TAF1C: variants seen among roughly 807,000 people sequenced by gnomAD.
TAF1C encodes the protein TATA box-binding protein-associated factor RNA polymerase I subunit C.
A neutral mutation model predicts 70.5 loss-of-function variants in TAF1C; 79 were observed. That is an observed-to-expected ratio of 1.12 (90% CI 0.93 to 1.35). The LOEUF (loss-of-function observed/expected upper bound fraction) is 1.35. Among genes scored for constraint, TAF1C ranks in the 40% most tolerant of loss-of-function variants. The pLI, the probability that TAF1C is intolerant of heterozygous loss-of-function variation, is 0.00. For missense variants in TAF1C, 1,412 were observed against 1,127.8 expected (o/e 1.25, Z -3.61); for synonymous variants, 614 against 491.1 (o/e 1.25, Z -3.31).
chr16:84,179,671 G>T lies in TAF1C; in HGVS notation c.1802C>A (p.Ser601Tyr). ...TQPDCHAPTA[S>Y]WTSQDTAGCS... ...GCCGGCAGTGTCCTGGGAGGTCCAG[G>T]AAGCTGTGGGGGCATGGCAGTCAGG... Residue 601 changes from serine to tyrosine, a missense_variant, in exon 15 of 15, where the codon TCC (serine) becomes TAC (tyrosine). Ser to Tyr is a moderately radical substitution (Grantham distance 144, BLOSUM62 -2). Transcript: ENST00000566732. The T allele has an allele frequency of 6.2e-7, 1 of 1,612,712 alleles. No homozygotes were observed. The highest frequency in any genetic ancestry group is 8.5e-7 in the Non-Finnish European group (1 of 1,179,934).
Position 84,177,864 on chromosome 16 carries a change from T to C in TAF1C, c.*1077A>G. On this transcript the variant is annotated 3_prime_UTR_variant, in exon 15 of 15. Transcript: ENST00000566732. ...TAGTTTTCCCCAGTTATATGTAGCA[T>C]AAATGGTTTAATCATAAATGTCTCC... The C allele has an allele frequency of 6.3e-7, 1 of 1,581,166 alleles. No individual in the cohort carries two copies. Among genetic ancestry groups the C allele is most frequent in the South Asian group, 1.1e-5 (1 of 90,444 alleles).
chr16:84,181,190 G>T lies in TAF1C; in HGVS notation c.1165-4C>A. On this transcript the variant is annotated splice_region_variant and splice_polypyrimidine_tract_variant and intron_variant, in intron 11 of 14. Transcript: ENST00000566732. ...ACAGACCACAGCCCGGCGGGCCCTGGAAGATAAACACAGGGTCAGCCCTCC... is the reference window on the plus strand; with the variant it reads ...ACAGACCACAGCCCGGCGGGCCCTGTAAGATAAACACAGGGTCAGCCCTCC... The T allele has an allele frequency of 1.2e-6, 2 of 1,604,766 alleles. No individual in the cohort carries two copies. The highest frequency in any genetic ancestry group is 1.7e-6 in the Non-Finnish European group (2 of 1,172,732).
chr16:84,179,113 T>C lies in TAF1C; in HGVS notation c.2360A>G (p.Gln787Arg). 6.2e-7 allele frequency: 1 copy of C among 1,609,276 alleles called. No homozygotes were observed. Among genetic ancestry groups the C allele is most frequent in the Non-Finnish European group, 8.5e-7 (1 of 1,178,516 alleles). The change falls in exon 15 of 15, where the codon CAG (glutamine) becomes CGG (arginine). Residue 787 changes from glutamine (Q) to arginine (R), a missense_variant. Gln to Arg is a conservative substitution (Grantham distance 43). Transcript: ENST00000566732. The part of the protein sequence containing the change: ...CAQGVPSEQR[Q>R]MLRDYMAKLP... ...CTTGGCCATGTAGTCACGGAGCATC[T>C]GCCGCTGCTCTGATGGGACGCCCTG...
chr16:84,185,052 C>T lies in TAF1C; in HGVS notation c.-64G>A. Reference sequence around the variant, plus strand: ...AGAGACTGGAAGCTGGTAAGGGGCGCCAGAGTTCCTGAGGAGTGAAAAGTG... The same window carrying T: ...AGAGACTGGAAGCTGGTAAGGGGCGTCAGAGTTCCTGAGGAGTGAAAAGTG... On this transcript the variant is annotated 5_prime_UTR_variant, in exon 2 of 15. Coordinates refer to ENST00000566732, the MANE Select transcript of TAF1C (RefSeq NM_001243156.2). 1 of 1,568,358 alleles carries T rather than the reference C, an allele frequency of 6.4e-7. No individual in the cohort carries two copies. The highest frequency in any genetic ancestry group is 8.6e-7 in the Non-Finnish European group (1 of 1,156,452).
At chr16:84,183,540 G>A (rs775616082) in intron 3 of TAF1C, 33 bp from the exon 4 acceptor site, 17 of 1,588,168 alleles carry the variant, frequency 1.1e-5, no homozygotes, top group Admixed American at 1.7e-5. Context: ...GGCTGGGGAG[G>A]GCACAGGAGT....
rs376613892 is a variant in TAF1C at position 84,178,899 on chromosome 16, T to C, written c.*42A>G. ...GGCACATCTGGTCCCAGAGGAAGGATGAGGGGCTCTCTGGGGCTTGAGGGC... is the reference window on the plus strand; with the variant it reads ...GGCACATCTGGTCCCAGAGGAAGGACGAGGGGCTCTCTGGGGCTTGAGGGC... On this transcript the variant is annotated 3_prime_UTR_variant, in exon 15 of 15. Coordinates refer to ENST00000566732, the MANE Select transcript of TAF1C (RefSeq NM_001243156.2). The C allele has an allele frequency of 7.9e-5, 121 of 1,528,934 alleles. No homozygotes were observed. The highest frequency in any genetic ancestry group is 2.1e-4 in the Middle Eastern group (1 of 4,674). 94.7% of individuals were successfully genotyped at this position (1,528,934 alleles called of 1,614,324 possible).
rs370192140 is a variant in TAF1C at position 84,182,408 on chromosome 16, C to T, written c.515G>A (p.Arg172His). ...CPWAYLSNRQ[R>H]RFSILGGPIL... Reference sequence around the variant, plus strand: ...GGGGCCCCCGAGGATAGAGAAGCGGCGCTGTCGGTTGCTGAGGTAAGCCCA... The same window carrying T: ...GGGGCCCCCGAGGATAGAGAAGCGGTGCTGTCGGTTGCTGAGGTAAGCCCA... Residue 172 changes from arginine (R) to histidine (H), a missense_variant, in exon 7 of 15, where the codon CGC becomes CAC. By Grantham distance (29) the Arg-to-His change is conservative. Coordinates refer to ENST00000566732, the MANE Select transcript of TAF1C (RefSeq NM_001243156.2). This position sits in a 1 kb window ranked among gnomAD's most constrained non-coding sequence, Gnocchi z 5.0. The T allele has an allele frequency of 4.6e-5, 73 of 1,604,346 alleles. No homozygotes were observed. Among genetic ancestry groups the T allele is most frequent in the Non-Finnish European group, 6.0e-5 (71 of 1,177,366 alleles).
In TAF1C at chr16:84,183,344, G is replaced by A. The variant is rs759070816; in HGVS notation, c.319-11C>T. 8.7e-6 allele frequency: 14 copies of A among 1,613,966 alleles called. No individual in the cohort carries two copies. Among genetic ancestry groups the A allele is most frequent in the Non-Finnish European group, 1.1e-5 (13 of 1,180,030 alleles). The stretch of plus-strand genomic sequence containing the variant: ...GAGGAACCGGCTGATCTGGGGAGAA[G>A]AGGAGGCCAGGTCACTAAGCACAGT... On this transcript the variant is annotated splice_polypyrimidine_tract_variant and intron_variant, in intron 4 of 14. Transcript: ENST00000566732.
chr16:84,179,885 T>A (rs1423857598), intron 14 of TAF1C, 34 bp from the exon 15 acceptor site: 1 of 1,609,096 alleles, frequency 6.2e-7, no homozygotes, highest in Admixed American at 1.7e-5. Flanking sequence ...CTCCAGGGCC[T>A]AGCGGGGGGA....
rs980445096 is a variant in TAF1C, at chr16:84,182,975, G to A, written c.482+101C>T. 2.5e-5 allele frequency: 29 copies of A among 1,169,570 alleles called. No homozygotes were observed. Among genetic ancestry groups the A allele is most frequent in the Admixed American group, 1.0e-4 (6 of 57,896 alleles). 72.4% of individuals were successfully genotyped at this position (1,169,570 alleles called of 1,614,324 possible). On this transcript the variant is annotated intron_variant, in intron 6 of 14. Transcript: ENST00000566732. The surrounding 1 kb of genome is among the most constrained non-coding windows in gnomAD (Gnocchi z 5.0). ...AGCTCAGACTGCATGGAGCAGGGGG[G>A]AAGTGGGTATGACGGAAAGCTGTAC...
chr16:84,184,912 G>T lies in TAF1C; in HGVS notation c.77C>A (p.Ser26Tyr). 1.2e-6 allele frequency: 2 copies of T among 1,613,646 alleles called. No homozygotes were observed. Among genetic ancestry groups the T allele is most frequent in the Non-Finnish European group, 1.7e-6 (2 of 1,179,840 alleles). ...PLGLSDVPDL[S>Y]FMCSWRDALT... ...TGCGTCTCGCCAGCTGCACATGAAA[G>T]AGAGGTCAGGGACGTCGCTCAGACC... The change falls in exon 2 of 15, where the codon TCT becomes TAT. Residue 26 changes from serine to tyrosine, a missense_variant. Transcript: ENST00000566732.
rs1028085274 is a variant in TAF1C, at chr16:84,181,843, C to T, written c.859G>A (p.Asp287Asn). The change falls in exon 9 of 15, where the codon GAC becomes AAC. Residue 287 changes from aspartate to asparagine, a missense_variant. Transcript: ENST00000566732. ...QGETLLAVRS[D>N]YHCAVWKFGK... ...AACTTCCACACGGCACAGTGGTAGT[C>T]AGAGCGGACGGCCAGCAGAGCTGAG... 1.9e-6 allele frequency: 3 copies of T among 1,614,056 alleles called. No homozygotes were observed. Among genetic ancestry groups the T allele is most frequent in the African/African-American group, 2.7e-5 (2 of 74,924 alleles).
intron 12 of TAF1C, 58 bp from the exon 13 acceptor site, chr16:84,180,402 G>A: frequency 6.7e-7 from 1 of 1,488,340 alleles, no homozygotes; most frequent in Non-Finnish European, 8.9e-7. Context: ...CTGTGTAGTG[G>A]CCCTCCAGGC....
intron 2 of TAF1C, among the ~76,000 whole-genome samples, chr16:84,184,442 G>A (rs1296305651): frequency 6.6e-6 from 1 of 152,196 alleles, no homozygotes; most frequent in Non-Finnish European, 1.5e-5. Context: ...AGAGGCAGCA[G>A]AAACCCTGCA....
intron 12 of TAF1C, 58 bp from the exon 13 acceptor site, chr16:84,180,402 G>C: frequency 4.7e-6 from 7 of 1,488,340 alleles, no homozygotes; most frequent in Non-Finnish European, 6.2e-6. Flanking sequence ...CTGTGTAGTG[G>C]CCCTCCAGGC....
At position 84,179,434 on chromosome 16, in the gene TAF1C, G is replaced by A. The variant is rs771735047; in HGVS notation, c.2039C>T (p.Pro680Leu). 36 of 1,596,960 alleles carry A rather than the reference G, an allele frequency of 2.3e-5. No homozygotes were observed. Among genetic ancestry groups the A allele is most frequent in the Non-Finnish European group, 2.8e-5 (33 of 1,177,238 alleles). Residue 680 changes from proline (P) to leucine (L), a missense_variant, in exon 15 of 15, where the codon CCC becomes CTC. Coordinates refer to ENST00000566732, the MANE Select transcript of TAF1C (RefSeq NM_001243156.2). ...DLGSLPAAEP[P>L]PAPESGLEDK... ...CTCTAGGCCTGACTCGGGTGCAGGGGGTGGCTCTGCCGCAGGGAGGGAGCC... is the reference window on the plus strand; with the variant it reads ...CTCTAGGCCTGACTCGGGTGCAGGGAGTGGCTCTGCCGCAGGGAGGGAGCC...
chr16:84,180,375 C>G, intron 12 of TAF1C, 31 bp from the exon 13 acceptor site: 1 of 1,529,554 alleles, frequency 6.5e-7, no homozygotes, highest in Non-Finnish European at 8.7e-7. Flanking sequence ...GGGATGTGGC[C>G]GAACTTGGGA....
Position 84,182,421 on chromosome 16 carries a change from T to C in TAF1C, c.502A>G (p.Ser168Gly), listed in dbSNP as rs965770421. The C allele has an allele frequency of 6.2e-7, 1 of 1,603,388 alleles. No individual in the cohort carries two copies. Among genetic ancestry groups the C allele is most frequent in the African/African-American group, 1.3e-5 (1 of 74,896 alleles). ...QPWGCPWAYLSNRQRRFSILG... is the reference protein window; with the variant it reads ...QPWGCPWAYLGNRQRRFSILG... ...ATAGAGAAGCGGCGCTGTCGGTTGCTGAGGTAAGCCCAGGGACACCTGGGG... is the reference window on the plus strand; with the variant it reads ...ATAGAGAAGCGGCGCTGTCGGTTGCCGAGGTAAGCCCAGGGACACCTGGGG... Residue 168 changes from serine to glycine, a missense_variant, in exon 7 of 15, where the codon AGC becomes GGC. Ser to Gly is a moderately conservative substitution (Grantham distance 56). Coordinates refer to ENST00000566732, the MANE Select transcript of TAF1C (RefSeq NM_001243156.2). This position sits in a 1 kb window ranked among gnomAD's most constrained non-coding sequence, Gnocchi z 5.0.
At chr16:84,184,426 C>T (rs2089373286) in intron 2 of TAF1C, among the ~76,000 whole-genome samples, 1 of 152,220 alleles carries the variant, frequency 6.6e-6, no homozygotes, top group Non-Finnish European at 1.5e-5. Context: ...GGGCCAGTGT[C>T]CCTCCAGAGG....
Sources: gnomAD v4.1 joint callset for allele counts (sites outside exome capture counted in the v4.1 genomes callset) on GRCh38, gnomAD v4.1.1 for gene constraint, Gnocchi (gnomAD v3.1) non-coding constraint, MANE v1.5 for transcripts, NCBI Gene and HGNC (gene_info 2026-07-23, HGNC 2026-07-21) for gene names.